Variants in XK observed in about 807,000 individuals in gnomAD.
The protein encoded by XK is endoplasmic reticulum membrane adapter protein XK.
A neutral mutation model predicts 14.0 loss-of-function variants in XK; 2 were observed. The observed-to-expected ratio is 0.14, with a 90% confidence interval of 0.06 to 0.45. The LOEUF is 0.45. Ranked by LOEUF, XK falls within the 20% of genes least tolerant of loss-of-function variation. XK has a pLI of 0.98. For synonymous variants in XK, 149 were observed against 147.5 expected, an observed-to-expected ratio of 1.01 and a Z score of -0.08; for missense variants, 235 against 341.5, an observed-to-expected ratio of 0.69 and a Z score of 2.46.
At chrX:37,708,254 T>C (rs782553315) in intron 2 of XK, among the ~76,000 whole-genome samples, 1 of 110,956 alleles carries the variant, frequency 9.0e-6, no homozygotes, top group Admixed American at 9.5e-5. Context: ...AATGTTCTTA[T>C]AAGGGAGAGG....
chrX:37,691,084 A>T (rs901776726), intron 1 of XK, among the ~76,000 whole-genome samples: 2 of 112,294 alleles, frequency 1.8e-5, no homozygotes, highest in Non-Finnish European at 3.8e-5. Context: ...TCACCTGGGA[A>T]AAAACAGTGG....
At chrX:37,697,377 C>T (rs1243680434) in intron 2 of XK, among the ~76,000 whole-genome samples, 3 of 112,272 alleles carry the variant, frequency 2.7e-5, no homozygotes, top group African/African-American at 9.7e-5. Context: ...ACCATGTTCT[C>T]TTAAGATAGT....
chrX:37,692,933 C>T (rs1371592001), intron 1 of XK, among the ~76,000 whole-genome samples: 1 of 110,590 alleles, frequency 9.0e-6, no homozygotes, highest in African/African-American at 3.3e-5. Context: ...GTTCTTGACC[C>T]CATGGGACAA....
chrX:37,721,169 A>G (rs1336379782), intron 2 of XK, among the ~76,000 whole-genome samples: 3 of 110,981 alleles, frequency 2.7e-5, no homozygotes. Context: ...CCTTGCCAAC[A>G]TCTGTTATTT....
At chrX:37,696,259 C>T (rs919795564) in intron 2 of XK, among the ~76,000 whole-genome samples, 22 of 112,340 alleles carry the variant, frequency 2.0e-4, no homozygotes, top group Non-Finnish European at 3.8e-4. Context: ...CATAATGTGG[C>T]CCACAAAGCC....
At chrX:37,718,549 C>T (rs782429309) in intron 2 of XK, among the ~76,000 whole-genome samples, 9 of 111,605 alleles carry the variant, frequency 8.1e-5, no homozygotes, top group East Asian at 5.6e-4. Flanking sequence ...TATCCTTGTG[C>T]GGGCCTTTTA....
chrX:37,708,572 T>G (rs1556446002), intron 2 of XK, among the ~76,000 whole-genome samples: 1 of 112,090 alleles, frequency 8.9e-6, no homozygotes, highest in Non-Finnish European at 1.9e-5. Context: ...GGAAACAAAT[T>G]TACGCCAAAA....
chrX:37,719,238 C>A (rs1927823676), intron 2 of XK, among the ~76,000 whole-genome samples: 1 of 111,585 alleles, frequency 9.0e-6, no homozygotes, highest in Non-Finnish European at 1.9e-5. Context: ...TACTTTCTGA[C>A]TGCTTTTAAA....
chrX:37,699,997 G>T (rs1927379157), intron 2 of XK, among the ~76,000 whole-genome samples: 1 of 111,378 alleles, frequency 9.0e-6, no homozygotes, highest in South Asian at 3.9e-4. Context: ...GCAAAAAGGA[G>T]CCTTAGAAAG....
chrX:37,726,442 GA>G (rs1927975854), intron 2 of XK, among the ~76,000 whole-genome samples: 1 of 111,630 alleles, frequency 9.0e-6, no homozygotes, highest in Admixed American at 9.5e-5. Flanking sequence ...GGTGAGACAA[GA>G]AAAAAACGAG....
chrX:37,695,139 T>C (rs781898917), intron 2 of XK, among the ~76,000 whole-genome samples: 2 of 112,200 alleles, frequency 1.8e-5, no homozygotes, highest in Non-Finnish European at 3.8e-5. Flanking sequence ...ATGGTAGAGT[T>C]CTAGAAGATC....
chrX:37,706,982 G>A (rs1556445297), intron 2 of XK, among the ~76,000 whole-genome samples: 1 of 81,783 alleles, frequency 1.2e-5, no homozygotes, highest in Non-Finnish European at 3.2e-5. Context: ...TCCCAAGGCA[G>A]AAGAATTTTT....
At chrX:37,724,309 A>G (rs782270209) in intron 2 of XK, among the ~76,000 whole-genome samples, 5 of 111,770 alleles carry the variant, frequency 4.5e-5, no homozygotes, top group Non-Finnish European at 9.5e-5. Flanking sequence ...AGCTACAACA[A>G]TCAAGACAGT....
intron 2 of XK, among the ~76,000 whole-genome samples, chrX:37,718,164 A>T (rs1556448204): frequency 9.0e-6 from 1 of 111,660 alleles, no homozygotes; most frequent in Non-Finnish European, 1.9e-5. Context: ...TTACTCATGT[A>T]GTTCTGTATC....
At chrX:37,704,932 C>T (rs782098502) in intron 2 of XK, among the ~76,000 whole-genome samples, 44 of 112,241 alleles carry the variant, frequency 3.9e-4, no homozygotes, top group African/African-American at 1.4e-3. Flanking sequence ...AAGTACATAA[C>T]AAACATAATA....
chrX:37,704,979 A>T (rs190344952), intron 2 of XK, among the ~76,000 whole-genome samples: 6 of 112,608 alleles, frequency 5.3e-5, no homozygotes, highest in African/African-American at 1.9e-4. Context: ...AAAATAAGAT[A>T]ATAAAGCCAA....
chrX:37,715,851 A>C (rs73631199), intron 2 of XK, among the ~76,000 whole-genome samples: 3,646 of 111,346 alleles, frequency 0.033, 156 homozygotes, highest in African/African-American at 0.11. Context: ...GTTCATATTC[A>C]TTCCTCCTAA....
intron 2 of XK, among the ~76,000 whole-genome samples, chrX:37,713,055 T>G (rs1484528268): frequency 9.0e-6 from 1 of 111,593 alleles, no homozygotes; most frequent in Non-Finnish European, 1.9e-5. Flanking sequence ...GTATCCATTA[T>G]GTATTTCTGC....
At chrX:37,727,608 T>A in intron 2 of XK, 28 bp from the exon 3 acceptor site, 1 of 1,167,861 alleles carries the variant, frequency 8.6e-7, no homozygotes, top group Non-Finnish European at 1.2e-6. Flanking sequence ...GAGGTGAGAC[T>A]TGATGATACT....
Sources: gnomAD v4.1 joint callset for allele counts (sites outside exome capture counted in the v4.1 genomes callset) on GRCh38, gnomAD v4.1.1 for gene constraint, MANE v1.5 for transcripts, NCBI Gene and HGNC (gene_info 2026-07-23, HGNC 2026-07-21) for gene names.